DACH1: variants seen among roughly 807,000 people sequenced by gnomAD.
The protein encoded by DACH1 is dachshund family transcription factor 1.
In DACH1, 12 loss-of-function variants were observed where a neutral mutation model predicts 54.2. The ratio of observed to expected loss-of-function variants is 0.22; its 90% CI spans 0.14 to 0.36. The LOEUF (loss-of-function observed/expected upper bound fraction) is 0.36, where lower values mean the gene tolerates loss of function less well. Among genes scored for constraint, DACH1 ranks in the 10% least tolerant of loss-of-function variants. The pLI, the probability that DACH1 is intolerant of heterozygous loss-of-function variation, is 1.00. For synonymous variants in DACH1, 386 were observed against 366.2 expected (o/e 1.05, Z -0.62); for missense variants, 805 against 929.8 (o/e 0.87, Z 1.75).
At chr13:71,758,706 C>A (rs771130662) in intron 1 of DACH1, among the ~76,000 whole-genome samples, 7 of 152,022 alleles carry the variant, frequency 4.6e-5, no homozygotes, top group Non-Finnish European at 1.0e-4. Flanking sequence ...AATGGGTCTG[C>A]CGAAGGAAGT....
At chr13:71,542,495 T>G (rs998689869) in intron 6 of DACH1, among the ~76,000 whole-genome samples, 21 of 152,120 alleles carry the variant, frequency 1.4e-4, no homozygotes, top group Admixed American at 5.9e-4. Flanking sequence ...GAAAAATACA[T>G]GTGTCGATAG....
chr13:71,461,172 A>AT (rs1345842704), intron 10 of DACH1, among the ~76,000 whole-genome samples: 1 of 152,032 alleles, frequency 6.6e-6, no homozygotes, highest in Non-Finnish European at 1.5e-5. Context: ...AATATTGGGC[A>AT]TTTTTATCCT....
chr13:71,529,212 A>T (rs1485887876), intron 6 of DACH1, among the ~76,000 whole-genome samples: 1 of 141,898 alleles, frequency 7.0e-6, no homozygotes, highest in East Asian at 2.0e-4. Context: ...TTTGAGGCAG[A>T]ATCTCGCTGT....
chr13:71,693,403 C>T (rs1361427475), intron 1 of DACH1, among the ~76,000 whole-genome samples: 4 of 147,516 alleles, frequency 2.7e-5, no homozygotes, highest in African/African-American at 7.6e-5. Context: ...CCTGGGTTCA[C>T]GCCATTCTCC....
intron 6 of DACH1, among the ~76,000 whole-genome samples, chr13:71,520,269 G>C (rs547486909): frequency 2.6e-5 from 4 of 151,558 alleles, no homozygotes; most frequent in Non-Finnish European, 5.9e-5. Flanking sequence ...TAAGAATTAG[G>C]TGTAATAATG....
intron 1 of DACH1, among the ~76,000 whole-genome samples, chr13:71,858,678 G>GT (rs930325975): frequency 1.3e-5 from 2 of 151,540 alleles, no homozygotes; most frequent in African/African-American, 4.8e-5. Flanking sequence ...CCAGTCCCTG[G>GT]TAACCACCAT....
At chr13:71,782,597 T>G (rs1214291372) in intron 1 of DACH1, among the ~76,000 whole-genome samples, 1 of 152,172 alleles carries the variant, frequency 6.6e-6, no homozygotes, top group South Asian at 2.1e-4. Flanking sequence ...TTAAAGTGAA[T>G]AGTTTCTTTA....
chr13:71,503,949 T>A (rs2138239359), intron 6 of DACH1, among the ~76,000 whole-genome samples: 1 of 152,274 alleles, frequency 6.6e-6, no homozygotes, highest in East Asian at 1.9e-4. Flanking sequence ...AGAGTGTATG[T>A]TTATGTCATT....
intron 3 of DACH1, among the ~76,000 whole-genome samples, chr13:71,592,308 T>G (rs1329870453): frequency 3.3e-5 from 5 of 151,496 alleles, no homozygotes; most frequent in Non-Finnish European, 7.4e-5. Flanking sequence ...GCCCAGGAGT[T>G]CAAGACCAGG....
Position 71,475,800 on chromosome 13 carries a change from C to T in DACH1, c.1920G>A (p.Leu640=), listed in dbSNP as rs1424136416. ...LKKEKKAKRK[L]QEALEFETKR... ...TCGTCTCAAACTCAAGTGCTTCCTGCAATTTTCTCTTTGCCTTCTTCTCCT... is the reference window on the plus strand; with the variant it reads ...TCGTCTCAAACTCAAGTGCTTCCTGTAATTTTCTCTTTGCCTTCTTCTCCT... The change falls in exon 9 of 11, where the codon TTG becomes TTA. Residue 640 remains leucine, a synonymous_variant. Transcript: ENST00000613252. 2 of 1,613,530 alleles carry T rather than the reference C, an allele frequency of 1.2e-6. No homozygotes were observed. Among genetic ancestry groups the T allele is most frequent in the Non-Finnish European group, 1.7e-6 (2 of 1,179,814 alleles).
chr13:71,555,649 C>T (rs1320817670), intron 6 of DACH1, among the ~76,000 whole-genome samples: 1 of 151,938 alleles, frequency 6.6e-6, no homozygotes, highest in Non-Finnish European at 1.5e-5. Context: ...CCCCACTATA[C>T]TAATTTTTAC....
intron 6 of DACH1, among the ~76,000 whole-genome samples, chr13:71,501,575 C>T (rs1023898087): frequency 2.2e-4 from 33 of 152,004 alleles, no homozygotes; most frequent in African/African-American, 8.0e-4. Context: ...ACAAGATTTG[C>T]CTTGAGATGA....
At chr13:71,738,923 T>C (rs1186071912) in intron 1 of DACH1, among the ~76,000 whole-genome samples, 1 of 151,552 alleles carries the variant, frequency 6.6e-6, no homozygotes, top group Admixed American at 6.6e-5. Context: ...GTAGTCTACA[T>C]TGGACACAGG....
intron 3 of DACH1, among the ~76,000 whole-genome samples, chr13:71,582,276 AT>A (rs1191237083): frequency 6.6e-6 from 1 of 152,166 alleles, no homozygotes; most frequent in Non-Finnish European, 1.5e-5. Flanking sequence ...GTATTAATGC[AT>A]TTTTATAATA....
intron 1 of DACH1, among the ~76,000 whole-genome samples, chr13:71,750,819 T>C (rs1389281052): frequency 1.3e-5 from 2 of 152,172 alleles, no homozygotes; most frequent in Non-Finnish European, 2.9e-5. Context: ...AATTAGCTCT[T>C]GTAATAATTA....
intron 3 of DACH1, among the ~76,000 whole-genome samples, chr13:71,619,724 G>A (rs936037916): frequency 1.3e-5 from 2 of 151,896 alleles, no homozygotes; most frequent in African/African-American, 2.4e-5. Flanking sequence ...CTGAAATGTA[G>A]GAGGGATTCA....
intron 1 of DACH1, among the ~76,000 whole-genome samples, chr13:71,696,538 T>C (rs1333550794): frequency 6.6e-6 from 1 of 151,926 alleles, no homozygotes; most frequent in Non-Finnish European, 1.5e-5. Context: ...TCTAGATAAT[T>C]TTTCAAATTC....
rs543473446 is a variant in DACH1, at chr13:71,490,620, T to G, written c.1571-1472A>C. Among the ~76,000 whole-genome samples, 3 of 152,238 alleles carry G rather than the reference T, an allele frequency of 2.0e-5. No homozygotes were observed. The East Asian group carries it at 5.8e-4, about 29-fold the overall frequency. ...ATGTTATTTTTCTTTTTAATCACAC[T>G]TGTCACCAGGGTTAAAGAAAGATGG... On this transcript the variant is annotated intron_variant, in intron 6 of 10. Coordinates refer to ENST00000613252, the MANE Select transcript of DACH1 (RefSeq NM_080759.6).
chr13:71,756,467 A>C (rs1290103201), intron 1 of DACH1, among the ~76,000 whole-genome samples: 1 of 151,998 alleles, frequency 6.6e-6, no homozygotes, highest in Non-Finnish European at 1.5e-5. Context: ...ATAATTCAAC[A>C]TTCTCAGAAT....
Sources: allele counts gnomAD v4.1 joint callset (sites outside exome capture counted in the v4.1 genomes callset), GRCh38; gene constraint gnomAD v4.1.1; transcripts MANE v1.5; gene names NCBI Gene and HGNC (gene_info 2026-07-23, HGNC 2026-07-21).